Variants in GRHL2 observed in about 807,000 individuals in gnomAD.
The protein encoded by GRHL2 is grainyhead like transcription factor 2.
Under a neutral mutation model 83.8 loss-of-function variants are expected in GRHL2, and 21 were observed. The ratio of observed to expected loss-of-function variants is 0.25; its 90% CI spans 0.18 to 0.36. The LOEUF is 0.36. GRHL2 is among the 10% of genes least tolerant of loss of function. The pLI, the probability that GRHL2 is intolerant of heterozygous loss-of-function variation, is 1.00. For missense variants in GRHL2, 623 were observed against 781.8 expected (o/e 0.80, Z 2.42); for synonymous variants, 280 against 278.9 (o/e 1.00, Z -0.04).
intron 13 of GRHL2, 47 bp downstream of exon 13, chr8:101,644,272 T>A: frequency 6.8e-7 from 1 of 1,480,622 alleles, no homozygotes; most frequent in Non-Finnish European, 9.3e-7. Context: ...ATGCGGGGTG[T>A]CTCTCCCAAG....
intron 8 of GRHL2, among the ~76,000 whole-genome samples, chr8:101,601,208 ACCAC>A (rs1812507340): frequency 6.6e-6 from 1 of 151,512 alleles, no homozygotes; most frequent in Non-Finnish European, 1.5e-5. Flanking sequence ...CACCACCACC[ACCAC>A]CACCAACAAC....
intron 2 of GRHL2, among the ~76,000 whole-genome samples, chr8:101,546,791 G>A (rs1268036128): frequency 6.6e-6 from 1 of 152,160 alleles, no homozygotes; most frequent in East Asian, 1.9e-4. Context: ...GTAAATATGG[G>A]TGATTAAGTA....
At chr8:101,542,207 CAT>C (rs1340052325) in intron 1 of GRHL2, among the ~76,000 whole-genome samples, 2 of 152,168 alleles carry the variant, frequency 1.3e-5, no homozygotes, top group Non-Finnish European at 2.9e-5. Flanking sequence ...ATGTCTTACA[CAT>C]ATTTATAATG....
In GRHL2 at chr8:101,498,841, C is replaced by T. The variant is rs1244611218; in HGVS notation, c.20+6052C>T. ...CTGTAATCCTAGCACTTTGGGAGGC[C>T]GAGGTGGGCGGATCACGAGGTCAGG... On this transcript the variant is annotated intron_variant, in intron 1 of 15. Coordinates refer to ENST00000646743, the MANE Select transcript of GRHL2 (RefSeq NM_024915.4). Among the ~76,000 whole-genome samples, 6 of 152,012 alleles carry T rather than the reference C, an allele frequency of 3.9e-5. No homozygotes were observed. The East Asian group carries it at 5.8e-4, about 15-fold the overall frequency.
intron 1 of GRHL2, among the ~76,000 whole-genome samples, chr8:101,536,548 A>G (rs1271260077): frequency 6.6e-6 from 1 of 152,238 alleles, no homozygotes; most frequent in African/African-American, 2.4e-5. Context: ...ACTGATACAC[A>G]GAAAGGTTAA....
intron 8 of GRHL2, among the ~76,000 whole-genome samples, chr8:101,600,311 A>G (rs910091218): frequency 1.3e-5 from 2 of 152,206 alleles, no homozygotes; most frequent in Non-Finnish European, 2.9e-5. Flanking sequence ...TCCCACACAG[A>G]ACTGTAGGCA....
At chr8:101,589,874 T>C (rs561454514) in intron 7 of GRHL2, among the ~76,000 whole-genome samples, 8 of 152,340 alleles carry the variant, frequency 5.3e-5, no homozygotes, top group Non-Finnish European at 7.4e-5. Context: ...CATCTGGCTG[T>C]GTAGCAGAGG....
chr8:101,585,634 T>A (rs1311906646), intron 7 of GRHL2, among the ~76,000 whole-genome samples: 1 of 152,232 alleles, frequency 6.6e-6, no homozygotes, highest in East Asian at 1.9e-4. Context: ...AGACATGCTC[T>A]GTTTTCTAGA....
intron 7 of GRHL2, among the ~76,000 whole-genome samples, chr8:101,589,248 G>A (rs1266280608): frequency 2.6e-5 from 4 of 152,194 alleles, no homozygotes; most frequent in Non-Finnish European, 5.9e-5. Flanking sequence ...GTACTTTTGT[G>A]TGATTTACAA....
intron 4 of GRHL2, among the ~76,000 whole-genome samples, chr8:101,565,530 G>T (rs1243392805): frequency 6.6e-6 from 1 of 152,152 alleles, no homozygotes; most frequent in Admixed American, 6.6e-5. Flanking sequence ...CAGGGTCCCT[G>T]CATCTTGTGA....
At chr8:101,590,697 T>C (rs1208626099) in intron 7 of GRHL2, among the ~76,000 whole-genome samples, 1 of 152,192 alleles carries the variant, frequency 6.6e-6, no homozygotes, top group East Asian at 1.9e-4. Context: ...CTTTATACCT[T>C]GATTGCCACC....
At chr8:101,524,443 C>A (rs867965696) in intron 1 of GRHL2, among the ~76,000 whole-genome samples, 4 of 151,842 alleles carry the variant, frequency 2.6e-5, no homozygotes, top group African/African-American at 4.8e-5. Context: ...AACTTTTTAG[C>A]CTTTGTTCCC....
At chr8:101,627,574 C>G (rs1285441813) in intron 9 of GRHL2, among the ~76,000 whole-genome samples, 1 of 152,056 alleles carries the variant, frequency 6.6e-6, no homozygotes, top group Non-Finnish European at 1.5e-5. Context: ...TACAACGGCC[C>G]CTGAGTGTTC....
chr8:101,551,947 G>T (rs1250315912), intron 2 of GRHL2, among the ~76,000 whole-genome samples: 34 of 151,010 alleles, frequency 2.3e-4, no homozygotes, highest in African/African-American at 3.4e-4. Flanking sequence ...GCCATTCTCT[G>T]GCCTCAGCCT....
chr8:101,549,369 C>A (rs1811331937), intron 2 of GRHL2, among the ~76,000 whole-genome samples: 2 of 152,178 alleles, frequency 1.3e-5, no homozygotes, highest in African/African-American at 4.8e-5. Flanking sequence ...GATCAGACTG[C>A]ATTTTAAGCA....
chr8:101,628,655 G>C (rs902346172), intron 9 of GRHL2, among the ~76,000 whole-genome samples: 62 of 152,022 alleles, frequency 4.1e-4, no homozygotes, highest in African/African-American at 1.5e-3. Flanking sequence ...TAAGTTGAAG[G>C]CCTTTTGGAA....
At chr8:101,677,912 A>T in the GRHL2 span, among the ~76,000 whole-genome samples, 2 of 152,082 alleles carry the variant, frequency 1.3e-5, no homozygotes, top group Admixed American at 6.5e-5. Flanking sequence ...CAGCCTGAAC[A>T]TCTTTCCCTA....
At chr8:101,563,717 T>TG (rs1811655691) in intron 4 of GRHL2, among the ~76,000 whole-genome samples, 1 of 151,652 alleles carries the variant, frequency 6.6e-6, no homozygotes. Flanking sequence ...TTATTTTTTT[T>TG]TTGTTTTTTT....
chr8:101,647,650 T>C (rs2129685240), intron 13 of GRHL2, among the ~76,000 whole-genome samples: 1 of 152,366 alleles, frequency 6.6e-6, no homozygotes, highest in African/African-American at 2.4e-5. Flanking sequence ...TTTGGAAATC[T>C]TTGGAGACAC....
Sources: allele counts gnomAD v4.1 joint callset (sites outside exome capture counted in the v4.1 genomes callset), GRCh38; gene constraint gnomAD v4.1.1; transcripts MANE v1.5; gene names NCBI Gene and HGNC (gene_info 2026-07-23, HGNC 2026-07-21).